OSGEP: variants seen among roughly 807,000 people sequenced by gnomAD.
OSGEP encodes tRNA N6-adenosine threonylcarbamoyltransferase.
In OSGEP, 39 loss-of-function variants were observed where a neutral mutation model predicts 44.1. The observed-to-expected ratio is 0.88, with a 90% CI of 0.69 to 1.16. OSGEP has a LOEUF of 1.16. Ranked by LOEUF, OSGEP falls within the 50% of genes most tolerant of loss-of-function variation. OSGEP has a pLI of 0.00. For synonymous variants in OSGEP, 139 were observed against 161.9 expected, an observed-to-expected ratio of 0.86 and a Z score of 1.07; for missense variants, 403 against 443.1, an observed-to-expected ratio of 0.91 and a Z score of 0.81.
rs1443735811 is a variant in OSGEP at position 20,452,053 on chromosome 14, A to G, written c.332T>C (p.Ile111Thr). The change falls in exon 3 of 11, where the codon ATA becomes ACA. Residue 111 changes from isoleucine to threonine, a missense_variant. Ile to Thr is a moderately conservative substitution (Grantham distance 89). Transcript: ENST00000206542. Reference sequence around the variant, plus strand: ...GAGGCGGCCCATCTCAATGTGGCCTATACAGTGGTTCACACCCACCAATGG... The same window carrying G: ...GAGGCGGCCCATCTCAATGTGGCCTGTACAGTGGTTCACACCCACCAATGG... ...NKPLVGVNHCIGHIEMGRLIT... is the reference protein window; with the variant it reads ...NKPLVGVNHCTGHIEMGRLIT... 1.3e-5 allele frequency: 21 copies of G among 1,613,952 alleles called. No individual in the cohort carries two copies. The highest frequency in any genetic ancestry group is 1.8e-5 in the Non-Finnish European group (21 of 1,180,018).
chr14:20,449,471 G>A (rs774462326), intron 3 of OSGEP: 214 of 557,680 alleles, frequency 3.8e-4, no homozygotes, highest in Non-Finnish European at 5.9e-4. Flanking sequence ...TCCAGGAACA[G>A]ATTCCTAGAC....
rs767992120 is a variant in OSGEP, at chr14:20,452,351, G to T, written c.213C>A (p.Ile71=). The stretch of plus-strand genomic sequence containing the variant: ...TACCCTTGGTGTATGCAATGCAGTC[G>T]ATATCCTGGGAGGTTAATCCAGACT... The part of the protein sequence containing the change: ...LTESGLTSQD[I]DCIAYTKGPG... The change falls in exon 2 of 11, where the codon ATC becomes ATA. Residue 71 remains isoleucine, a synonymous_variant. Coordinates refer to ENST00000206542, the MANE Select transcript of OSGEP (RefSeq NM_017807.4). 3.7e-6 allele frequency: 6 copies of T among 1,613,876 alleles called. No individual in the cohort carries two copies. Among genetic ancestry groups the T allele is most frequent in the East Asian group, 2.2e-5 (1 of 44,884 alleles).
chr14:20,454,808 G>C lies in OSGEP; in HGVS notation c.-125C>G. On this transcript the variant is annotated 5_prime_UTR_variant, in exon 1 of 11. Coordinates refer to ENST00000206542, the MANE Select transcript of OSGEP (RefSeq NM_017807.4). ...GAGGAAGCTGGCCAGCCTGCAGATA[G>C]CACTGGGAAAGACACCGCGGAACTC... is the stretch of plus-strand genomic sequence containing the variant. 1 of 688,322 alleles carries C rather than the reference G, an allele frequency of 1.5e-6. No individual in the cohort carries two copies. Among genetic ancestry groups the C allele is most frequent in the East Asian group, 2.7e-5 (1 of 36,740 alleles). The allele number at this position is 688,322 out of a possible 1,614,324, so 42.6% of individuals were successfully genotyped here. A position where few individuals can be genotyped will look rare whatever the true frequency, so the allele number is the denominator to read the frequency against.
At chr14:20,449,525 G>T in intron 3 of OSGEP, 2 of 412,826 alleles carry the variant, frequency 4.8e-6, no homozygotes, top group Non-Finnish European at 8.9e-6. Context: ...CAAATACATT[G>T]GTTTTCCGGC....
In OSGEP at chr14:20,446,814, TATA is replaced by T. The variant is rs1360887081; in HGVS notation, c.*423_*425del. ...AAGCAGTTAGCACGGGACCCGATGCTATAATAATAGTTATGATACTACTATTGT... is the reference window on the plus strand; with the variant it reads ...AAGCAGTTAGCACGGGACCCGATGCTATAATAGTTATGATACTACTATTGT... On this transcript the variant is annotated 3_prime_UTR_variant, in exon 11 of 11. Transcript: ENST00000206542. The T allele has an allele frequency of 5.7e-6, 1 of 175,380 alleles. No individual in the cohort carries two copies. The highest frequency in any genetic ancestry group is 1.2e-5 in the Non-Finnish European group (1 of 82,682). 10.9% of individuals were successfully genotyped at this position (175,380 alleles called of 1,614,324 possible).
intron 1 of OSGEP, among the ~76,000 whole-genome samples, chr14:20,453,018 T>C (rs1348042652): frequency 6.6e-6 from 1 of 152,138 alleles, no homozygotes; most frequent in Non-Finnish European, 1.5e-5. Flanking sequence ...TTTGGTGATC[T>C]TCTTTCTCTG....
In OSGEP at chr14:20,454,603, G is replaced by T; in HGVS notation, c.81C>A (p.Asn27Lys). 1.2e-6 allele frequency: 2 copies of T among 1,614,144 alleles called. No homozygotes were observed. The highest frequency in any genetic ancestry group is 1.7e-6 in the Non-Finnish European group (2 of 1,179,970). ...GVVRDGKVLANPRRTYVTPPG... is the reference protein window; with the variant it reads ...GVVRDGKVLAKPRRTYVTPPG... ...GAGGCGTGACGTAAGTCCGCCGCGG[G>T]TTCGCCAGCACCTTGCCATCCCGCA... The change falls in exon 1 of 11, where the codon AAC becomes AAA. Residue 27 changes from asparagine (N) to lysine (K), a missense_variant. Transcript: ENST00000206542.
chr14:20,452,628 T>C (rs187509720), intron 1 of OSGEP, among the ~76,000 whole-genome samples, 180 bp from the exon 2 acceptor site: 3 of 152,290 alleles, frequency 2.0e-5, no homozygotes, highest in Admixed American at 2.0e-4. Flanking sequence ...CTATTCAACT[T>C]TCAGAAATGC....
At chr14:20,452,516 A>C (rs1303568921) in intron 1 of OSGEP, 68 bp from the exon 2 acceptor site, 1 of 1,525,416 alleles carries the variant, frequency 6.6e-7, no homozygotes. Flanking sequence ...GAAGTTAAAG[A>C]AAGCAACAGG....
At chr14:20,449,095 T>C (rs1881031056) in intron 4 of OSGEP, 76 bp downstream of exon 4, 2 of 1,492,034 alleles carry the variant, frequency 1.3e-6, no homozygotes, top group Admixed American at 1.7e-5. Flanking sequence ...GCTCATTTAC[T>C]ATTTCCTCCC....
rs777008061 is a variant in OSGEP at position 20,454,725 on chromosome 14, G to A, written c.-42C>T. On this transcript the variant is annotated 5_prime_UTR_variant, in exon 1 of 11. Transcript: ENST00000206542. ...AAACGCCGACAGGACTCCTGGCAAT[G>A]TCAGGAGCTGTGGAGGTCCTCACTA... is the stretch of plus-strand genomic sequence containing the variant. The A allele has an allele frequency of 3.4e-6, 5 of 1,464,566 alleles. No individual in the cohort carries two copies. Among genetic ancestry groups the A allele is most frequent in the Non-Finnish European group, 4.8e-6 (5 of 1,046,790 alleles). The allele number at this position is 1,464,566 out of a possible 1,614,324, so 90.7% of individuals were successfully genotyped here. A position where few individuals can be genotyped will look rare whatever the true frequency, so the allele number is the denominator to read the frequency against.
chr14:20,446,945 A>G lies in OSGEP; in HGVS notation c.*295T>C. 2 of 70,910 alleles carry G rather than the reference A, an allele frequency of 2.8e-5. No individual in the cohort carries two copies. The highest frequency in any genetic ancestry group is 5.5e-5 in the Non-Finnish European group (2 of 36,084). 4.4% of individuals were successfully genotyped at this position (70,910 alleles called of 1,614,324 possible). A position where few individuals can be genotyped will look rare whatever the true frequency, so the allele number is the denominator to read the frequency against. ...AAACACAGCAAGATTCCGTTTCTTA[A>G]AAAAAAAAAAAAAGATACCTCATTC... On this transcript the variant is annotated 3_prime_UTR_variant, in exon 11 of 11. Transcript: ENST00000206542.
chr14:20,448,217 G>T, intron 6 of OSGEP, 46 bp from the exon 7 acceptor site: 1 of 1,532,244 alleles, frequency 6.5e-7, no homozygotes, highest in Non-Finnish European at 9.0e-7. Context: ...TCATGGTTTT[G>T]GGATTACACG....
Position 20,449,163 on chromosome 14 carries a change from T to C in OSGEP, c.507+8A>G. 6.3e-7 allele frequency: 1 copy of C among 1,599,592 alleles called. No homozygotes were observed. The highest frequency in any genetic ancestry group is 1.3e-5 in the African/African-American group (1 of 74,774). ...CATTTTATGTTCTCTGCAGCCCCAC[T>C]GGCTTACCTTCAGCACTCGAGCAAA... is the stretch of plus-strand genomic sequence containing the variant. On this transcript the variant is annotated splice_region_variant and intron_variant, in intron 4 of 10. Coordinates refer to ENST00000206542, the MANE Select transcript of OSGEP (RefSeq NM_017807.4).
chr14:20,453,666 C>A lies in OSGEP; in HGVS notation c.115+903G>T, dbSNP rs76141490. Among the ~76,000 whole-genome samples, 21 of 152,270 alleles carry A rather than the reference C, an allele frequency of 1.4e-4. No individual in the cohort carries two copies. In the East Asian group the frequency reaches 3.9e-3, roughly 28 times the overall value. Reference sequence around the variant, plus strand: ...TACAGGCGTGAGCCACCACGCCCAGCCGTGTTTGGTACTTTCATCTAATCT... The same window carrying A: ...TACAGGCGTGAGCCACCACGCCCAGACGTGTTTGGTACTTTCATCTAATCT... On this transcript the variant is annotated intron_variant, in intron 1 of 10. Coordinates refer to ENST00000206542, the MANE Select transcript of OSGEP (RefSeq NM_017807.4).
At position 20,449,251 on chromosome 14, in the gene OSGEP, C is replaced by G; in HGVS notation, c.427G>C (p.Glu143Gln). The stretch of plus-strand genomic sequence containing the variant: ...TCCCCAAAGATACGGTAACGATGTT[C>G]CGAGTATGCAATCACCTAAGGGTGA... ...GGNTQVIAYS[E>Q]HRYRIFGETI... is the part of the protein sequence containing the mutation. The change falls in exon 4 of 11, where the codon GAA becomes CAA. Residue 143 changes from glutamate (E) to glutamine (Q), a missense_variant. By Grantham distance (29) the Glu-to-Gln change is conservative. Coordinates refer to ENST00000206542, the MANE Select transcript of OSGEP (RefSeq NM_017807.4). The G allele has an allele frequency of 1.2e-6, 2 of 1,607,160 alleles. No individual in the cohort carries two copies. Among genetic ancestry groups the G allele is most frequent in the African/African-American group, 1.3e-5 (1 of 74,876 alleles).
chr14:20,452,294 T>C (rs746747837), intron 2 of OSGEP, 35 bp downstream of exon 2: 3 of 1,611,668 alleles, frequency 1.9e-6, no homozygotes, highest in Admixed American at 3.3e-5. Context: ...GTTGCAGGTA[T>C]ATTCCTCCAT....
intron 10 of OSGEP, 49 bp from the exon 11 acceptor site, chr14:20,447,328 T>A: frequency 1.2e-6 from 2 of 1,610,054 alleles, no homozygotes; most frequent in Non-Finnish European, 1.7e-6. Flanking sequence ...CTTAACATCC[T>A]TCATTCTTCT....
chr14:20,447,490 G>A lies in OSGEP; in HGVS notation c.900C>T (p.Ala300=), dbSNP rs774295200. ...CCCGAAACATCTCCCAGCCAGCCTGGGCTATCATCGCTCCATTGTCAATAC... is the reference window on the plus strand; with the variant it reads ...CCCGAAACATCTCCCAGCCAGCCTGAGCTATCATCGCTCCATTGTCAATAC... The part of the protein sequence containing the change: ...RFCIDNGAMI[A]QAGWEMFRAG... The change falls in exon 10 of 11, where the codon GCC becomes GCT. Residue 300 remains alanine, a synonymous_variant. Transcript: ENST00000206542. 4 of 1,614,114 alleles carry A rather than the reference G, an allele frequency of 2.5e-6. No homozygotes were observed. In the South Asian group the frequency reaches 3.3e-5, roughly 13 times the overall value.
Sources: gnomAD v4.1 joint callset for allele counts (sites outside exome capture counted in the v4.1 genomes callset) on GRCh38, gnomAD v4.1.1 for gene constraint, MANE v1.5 for transcripts, NCBI Gene and HGNC (gene_info 2026-07-23, HGNC 2026-07-21) for gene names.